The following HDAC4 variants were observed in gnomAD, a reference collection of about 807,000 sequenced individuals.
HDAC4 encodes histone deacetylase A.
In HDAC4, 16 loss-of-function variants were observed where a neutral mutation model predicts 135.1. That is an observed-to-expected ratio of 0.12 (90% CI 0.08 to 0.18). The LOEUF (loss-of-function observed/expected upper bound fraction) is 0.18, where lower values mean the gene tolerates loss of function less well. HDAC4 is among the 10% of genes least tolerant of loss of function. The pLI, the probability that HDAC4 is intolerant of heterozygous loss-of-function variation, is 1.00. For missense variants in HDAC4, 1,143 were observed against 1,511.8 expected (o/e 0.76, Z 4.05); for synonymous variants, 685 against 653.4 (o/e 1.05, Z -0.74).
chr2:239,357,170 G>A (rs1693543612), intron 1 of HDAC4, among the ~76,000 whole-genome samples: 1 of 152,102 alleles, frequency 6.6e-6, no homozygotes, highest in South Asian at 2.1e-4. Flanking sequence ...GACAAGTCAA[G>A]TCATACAAAG....
At chr2:239,217,235 C>A (rs2046693478) in intron 3 of HDAC4, among the ~76,000 whole-genome samples, 1 of 152,130 alleles carries the variant, frequency 6.6e-6, no homozygotes, top group East Asian at 1.9e-4. Context: ...CGGAAGCTCT[C>A]CAAAAGCAAG....
chr2:239,228,482 C>A (rs1291881329), intron 3 of HDAC4, among the ~76,000 whole-genome samples: 1 of 152,134 alleles, frequency 6.6e-6, no homozygotes, highest in Non-Finnish European at 1.5e-5. Context: ...GTGTTCTTGG[C>A]CCCGCAGTGT....
At chr2:239,177,538 C>T (rs1012483884) in intron 4 of HDAC4, among the ~76,000 whole-genome samples, 15 of 152,170 alleles carry the variant, frequency 9.9e-5, no homozygotes, top group Admixed American at 2.6e-4. Flanking sequence ...GTGGAGTGTC[C>T]GACCTGTTGA....
At chr2:239,129,858 T>C (rs1196485356) in intron 11 of HDAC4, among the ~76,000 whole-genome samples, 1 of 152,114 alleles carries the variant, frequency 6.6e-6, no homozygotes, top group Non-Finnish European at 1.5e-5. Flanking sequence ...CCAAACTAAT[T>C]AGTGAGTGTG....
At chr2:239,366,537 A>T (rs1169048689) in intron 1 of HDAC4, among the ~76,000 whole-genome samples, 1 of 152,232 alleles carries the variant, frequency 6.6e-6, no homozygotes, top group Non-Finnish European at 1.5e-5. Flanking sequence ...TAGCATGTAC[A>T]AACTTATTGG....
At chr2:239,079,000 C>T (rs1046508116) in intron 22 of HDAC4, among the ~76,000 whole-genome samples, 2 of 152,214 alleles carry the variant, frequency 1.3e-5, no homozygotes, top group Admixed American at 6.5e-5. Flanking sequence ...CCAGTGTTCA[C>T]TCAGGCAGGA....
At chr2:239,103,840 A>G (rs2037876407) in intron 15 of HDAC4, among the ~76,000 whole-genome samples, 1 of 152,270 alleles carries the variant, frequency 6.6e-6, no homozygotes, top group Admixed American at 6.5e-5. Flanking sequence ...GCCTTCCTGC[A>G]GGACGCATTG....
chr2:239,271,413 A>G (rs2050051846), intron 2 of HDAC4, among the ~76,000 whole-genome samples: 2 of 152,254 alleles, frequency 1.3e-5, no homozygotes, highest in Admixed American at 1.3e-4. Flanking sequence ...GGTGTGAGCC[A>G]CTGTGCTCGG....
chr2:239,192,570 C>T (rs1183347935), intron 3 of HDAC4, among the ~76,000 whole-genome samples: 1 of 152,166 alleles, frequency 6.6e-6, no homozygotes, highest in Non-Finnish European at 1.5e-5. Flanking sequence ...AGCTGGCGGG[C>T]TCCCTGCTGT....
intron 3 of HDAC4, among the ~76,000 whole-genome samples, chr2:239,231,124 A>T (rs754180433): frequency 1.3e-5 from 2 of 152,132 alleles, no homozygotes; most frequent in Non-Finnish European, 2.9e-5. Context: ...GTTTTCTTTT[A>T]AAAATGGTGC....
intron 6 of HDAC4, among the ~76,000 whole-genome samples, chr2:239,157,522 G>A (rs568439610): frequency 1.5e-3 from 222 of 152,342 alleles, no homozygotes; most frequent in Non-Finnish European, 2.8e-3. Flanking sequence ...GAGGAGGCGG[G>A]CCCTGGGCCG....
intron 3 of HDAC4, among the ~76,000 whole-genome samples, chr2:239,209,622 A>G (rs2046251534): frequency 6.6e-6 from 1 of 152,246 alleles, no homozygotes; most frequent in Non-Finnish European, 1.5e-5. Context: ...TCAAGATGTG[A>G]AAAGTGCTTC....
intron 16 of HDAC4, among the ~76,000 whole-genome samples, chr2:239,102,172 G>A (rs918386193): frequency 6.6e-6 from 1 of 152,208 alleles, no homozygotes; most frequent in African/African-American, 2.4e-5. Context: ...CCGGCCCCAC[G>A]TCTGGGTTCT....
At chr2:239,315,018 C>T (rs1028103184) in intron 2 of HDAC4, among the ~76,000 whole-genome samples, 10 of 152,212 alleles carry the variant, frequency 6.6e-5, no homozygotes, top group Non-Finnish European at 1.0e-4. Flanking sequence ...CTGAAGCCTG[C>T]TACCCGGAGG....
At chr2:239,166,537 C>T (rs994905528) in intron 5 of HDAC4, among the ~76,000 whole-genome samples, 9 of 152,158 alleles carry the variant, frequency 5.9e-5, no homozygotes, top group African/African-American at 2.2e-4. Flanking sequence ...CGGCGTTAGA[C>T]TCGAACATCA....
At chr2:239,321,302 A>C (rs1463980164) in intron 2 of HDAC4, among the ~76,000 whole-genome samples, 1 of 151,948 alleles carries the variant, frequency 6.6e-6, no homozygotes, top group Non-Finnish European at 1.5e-5. Flanking sequence ...CGTCTCTACT[A>C]AAAATACAAA....
intron 7 of HDAC4, among the ~76,000 whole-genome samples, chr2:239,149,873 G>T (rs989922457): frequency 6.6e-6 from 1 of 151,940 alleles, no homozygotes; most frequent in African/African-American, 2.4e-5. Context: ...TGGGGAAAAT[G>T]GACTCTCAGG....
chr2:239,370,079 A>G lies in HDAC4; in HGVS notation c.-219-17161T>C, dbSNP rs1442395710. ...CGCCCAGATGCACGGGGCCCTGTACAGGACGGCAGGCCGTCTGCCCTGTGT... is the reference window on the plus strand; with the variant it reads ...CGCCCAGATGCACGGGGCCCTGTACGGGACGGCAGGCCGTCTGCCCTGTGT... On this transcript the variant is annotated intron_variant, in intron 1 of 26. Transcript: ENST00000543185. Among the ~76,000 whole-genome samples, 4 of 152,266 alleles carry G rather than the reference A, an allele frequency of 2.6e-5. No homozygotes were observed. In the South Asian group the frequency reaches 6.2e-4, roughly 24 times the overall value.
At chr2:239,362,460 C>T (rs1693925217) in intron 1 of HDAC4, among the ~76,000 whole-genome samples, 1 of 152,184 alleles carries the variant, frequency 6.6e-6, no homozygotes, top group African/African-American at 2.4e-5. Flanking sequence ...CATCAGAGAA[C>T]ATTCTTCTAA....
Sources: gnomAD v4.1 joint callset for allele counts (sites outside exome capture counted in the v4.1 genomes callset) on GRCh38, gnomAD v4.1.1 for gene constraint, MANE v1.5 for transcripts, NCBI Gene and HGNC (gene_info 2026-07-23, HGNC 2026-07-21) for gene names.